Variants in LRMDA observed in about 807,000 individuals in gnomAD.
The protein encoded by LRMDA is leucine-rich melanocyte differentiation-associated protein.
Under a neutral mutation model 29.8 loss-of-function variants are expected in LRMDA, and 18 were observed. That is an observed-to-expected ratio of 0.60 (90% confidence interval 0.42 to 0.90). The LOEUF is 0.90. Among genes scored for constraint, LRMDA ranks in the 40% least tolerant of loss-of-function variants. The pLI is 0.00. For synonymous variants in LRMDA, 125 were observed against 109.4 expected (o/e 1.14, Z -0.89); for missense variants, 273 against 273.9 (o/e 1.00, Z 0.02).
chr10:76,539,125 A>G (rs1843325054), intron 6 of LRMDA, among the ~76,000 whole-genome samples: 1 of 152,200 alleles, frequency 6.6e-6, no homozygotes, highest in Non-Finnish European at 1.5e-5. Context: ...GCCACTTCTT[A>G]GAAAAGCTAT....
chr10:75,432,112 C>G (rs1554889214), intron 1 of LRMDA, among the ~76,000 whole-genome samples: 1 of 152,258 alleles, frequency 6.6e-6, no homozygotes, highest in Non-Finnish European at 1.5e-5. Context: ...ATTTTAAAAA[C>G]TTTTGGTCAA....
rs1310288180 is a variant in LRMDA, at chr10:76,495,905, T to A, written c.602-61304T>A. Among the ~76,000 whole-genome samples, 7 of 78,192 alleles carry A rather than the reference T, an allele frequency of 9.0e-5. 3 individuals carry two copies. The highest frequency in any genetic ancestry group is 7.0e-4 in the Admixed American group (6 of 8,534). The allele number at this position is 78,192 out of a possible 152,430, so 51.3% of individuals were successfully genotyped here. A position where few individuals can be genotyped will look rare whatever the true frequency, so the allele number is the denominator to read the frequency against. On this transcript the variant is annotated intron_variant, in intron 6 of 6. Transcript: ENST00000611255. ...TTGCTTATTAATTTCAGGAGTTCTT[T>A]TATAGACTCCTTGAAGTGTTTTATA...
chr10:76,204,440 C>T (rs574393938), intron 5 of LRMDA, among the ~76,000 whole-genome samples: 2 of 152,360 alleles, frequency 1.3e-5, no homozygotes, highest in South Asian at 4.1e-4. Flanking sequence ...ATATCCACTA[C>T]CTTCTTATTT....
chr10:76,524,341 G>A (rs934653156), intron 6 of LRMDA, among the ~76,000 whole-genome samples: 3 of 152,204 alleles, frequency 2.0e-5, no homozygotes, highest in Admixed American at 6.5e-5. Context: ...GATGGGAGCC[G>A]TTTGGAGACG....
At chr10:75,892,942 C>G (rs540757315) in intron 2 of LRMDA, among the ~76,000 whole-genome samples, 1 of 152,200 alleles carries the variant, frequency 6.6e-6, no homozygotes, top group Admixed American at 6.5e-5. Context: ...TAGAGAGGAA[C>G]TGAGCAGCAT....
rs548737934 is a variant in LRMDA at position 76,220,222 on chromosome 10, G to C, written c.517-104179G>C. ...AATTAAAAGAACTAGAAAAGCAAGA[G>C]CAAACACATTCAAAAGCTAGCAGAA... is the stretch of plus-strand genomic sequence containing the variant. On this transcript the variant is annotated intron_variant, in intron 5 of 6. Transcript: ENST00000611255. Among the ~76,000 whole-genome samples, 45 of 152,128 alleles carry C rather than the reference G, an allele frequency of 3.0e-4. 1 individual carries two copies. Among genetic ancestry groups the C allele is most frequent in the Admixed American group, 2.0e-3 (30 of 15,258 alleles).
rs1160178913 is a variant in LRMDA, at chr10:75,839,700, C to CTTTT, written c.132-196285_132-196282dup. Among the ~76,000 whole-genome samples, 184 of 82,788 alleles carry CTTTT rather than the reference C, an allele frequency of 2.2e-3. 28 individuals carry two copies. The highest frequency in any genetic ancestry group is 9.8e-3 in the African/African-American group (152 of 15,534). 54.3% of individuals were successfully genotyped at this position (82,788 alleles called of 152,430 possible). On this transcript the variant is annotated intron_variant, in intron 2 of 6. Coordinates refer to ENST00000611255, the MANE Select transcript of LRMDA (RefSeq NM_001305581.2). ...TACTCCTTAGGATGCATCCGACTTTCTTTTTTTTTTTTTTTTTTTTTTTTT... is the reference window on the plus strand; with the variant it reads ...TACTCCTTAGGATGCATCCGACTTTCTTTTTTTTTTTTTTTTTTTTTTTTTTTTT...
chr10:76,282,653 T>C (rs908900472), intron 5 of LRMDA, among the ~76,000 whole-genome samples: 3 of 152,252 alleles, frequency 2.0e-5, no homozygotes, highest in Non-Finnish European at 4.4e-5. Flanking sequence ...GCAAGCGTGC[T>C]CAGCAGAGGA....
chr10:75,654,263 T>A (rs1196533473), intron 2 of LRMDA, among the ~76,000 whole-genome samples: 1 of 152,252 alleles, frequency 6.6e-6, no homozygotes, highest in Non-Finnish European at 1.5e-5. Context: ...GGTGTCTTAA[T>A]GTCTCTGAGC....
intron 2 of LRMDA, among the ~76,000 whole-genome samples, chr10:75,920,816 A>G (rs1846013723): frequency 1.3e-5 from 2 of 152,210 alleles, no homozygotes; most frequent in Admixed American, 1.3e-4. Flanking sequence ...CTGCACCCCC[A>G]GGAAGTACTG....
At chr10:76,356,272 G>A (rs777684845) in intron 6 of LRMDA, among the ~76,000 whole-genome samples, 9 of 152,114 alleles carry the variant, frequency 5.9e-5, no homozygotes, top group South Asian at 2.1e-4. Context: ...ACCATAGAAC[G>A]CTAGTAAATG....
chr10:75,629,038 C>T (rs762431856), intron 2 of LRMDA, among the ~76,000 whole-genome samples: 3 of 152,202 alleles, frequency 2.0e-5, no homozygotes, highest in Non-Finnish European at 4.4e-5. Flanking sequence ...GTGAAAAGCA[C>T]GTACACTTAC....
intron 5 of LRMDA, among the ~76,000 whole-genome samples, chr10:76,219,329 A>T (rs1408310890): frequency 6.6e-6 from 1 of 152,230 alleles, no homozygotes; most frequent in African/African-American, 2.4e-5. Flanking sequence ...CAAATTGGAT[A>T]AAAATTCGAG....
chr10:76,290,212 T>G (rs1786894599), intron 5 of LRMDA, among the ~76,000 whole-genome samples: 1 of 152,094 alleles, frequency 6.6e-6, no homozygotes, highest in Non-Finnish European at 1.5e-5. Context: ...ATCCTTCAGG[T>G]GAGTCAGCTG....
intron 5 of LRMDA, among the ~76,000 whole-genome samples, chr10:76,275,476 GTCTT>G (rs1382708606): frequency 6.6e-5 from 10 of 151,720 alleles, no homozygotes; most frequent in Non-Finnish European, 8.8e-5. Context: ...AAATATTACT[GTCTT>G]TATTTCCTAT....
chr10:75,746,068 T>G (rs1371955726), intron 2 of LRMDA, among the ~76,000 whole-genome samples: 1 of 152,188 alleles, frequency 6.6e-6, no homozygotes, highest in Non-Finnish European at 1.5e-5. Flanking sequence ...GAAGTTACTG[T>G]GTTCAGCTTC....
intron 6 of LRMDA, among the ~76,000 whole-genome samples, chr10:76,484,725 A>C (rs1842764736): frequency 1.3e-5 from 2 of 151,922 alleles, no homozygotes; most frequent in African/African-American, 4.8e-5. Flanking sequence ...ACACAGATAG[A>C]GACATATTAT....
chr10:76,252,594 A>G (rs1049911429), intron 5 of LRMDA, among the ~76,000 whole-genome samples: 3 of 152,252 alleles, frequency 2.0e-5, no homozygotes. Context: ...ACTTGGTCAG[A>G]GGCCAGGTTT....
In LRMDA at chr10:76,018,150, C is replaced by T. The variant is rs944162955; in HGVS notation, c.132-17858C>T. ...CTCAAAGGAAGCAGAGCAGTTTGCC[C>T]GACAATAGACAGAGCAAAAGTCTTA... On this transcript the variant is annotated intron_variant, in intron 2 of 6. Transcript: ENST00000611255. Among the ~76,000 whole-genome samples the T allele has an allele frequency of 4.6e-5, 7 of 152,220 alleles. No individual in the cohort carries two copies. In the South Asian group the frequency reaches 8.3e-4, roughly 18 times the overall value.
Sources: allele counts gnomAD v4.1 joint callset (sites outside exome capture counted in the v4.1 genomes callset), GRCh38; gene constraint gnomAD v4.1.1; transcripts MANE v1.5; gene names NCBI Gene and HGNC (gene_info 2026-07-23, HGNC 2026-07-21).